The following POU6F2 variants were observed in gnomAD, a reference collection of about 807,000 sequenced individuals.
The protein encoded by POU6F2 is POU class 6 homeobox 2.
POU6F2 carries 31 observed loss-of-function variants against 71.3 expected under a neutral mutation model. That is an observed-to-expected ratio of 0.43 (90% CI 0.33 to 0.59). The LOEUF is 0.59. POU6F2 is among the 20% of genes least tolerant of loss of function. The pLI is 0.04. For synonymous variants in POU6F2, 347 were observed against 355.7 expected (o/e 0.98, Z 0.27); for missense variants, 783 against 856.8 (o/e 0.91, Z 1.07).
At position 39,183,164 on chromosome 7, in the gene POU6F2, G is replaced by C. The variant is rs547986719; in HGVS notation, c.278-21071G>C. Among the ~76,000 whole-genome samples, 60 of 152,282 alleles carry C rather than the reference G, an allele frequency of 3.9e-4. No homozygotes were observed. In the South Asian group the frequency reaches 5.6e-3, roughly 14 times the overall value. On this transcript the variant is annotated intron_variant, in intron 2 of 9. Transcript: ENST00000518318. ...GAACCCTATTGTGAACTGTGCATGC[G>C]AGGGATCTAGGCTGTGCACTCCTTA...
At chr7:39,065,586 A>AG (rs1304630087) in intron 1 of POU6F2, among the ~76,000 whole-genome samples, 1 of 151,490 alleles carries the variant, frequency 6.6e-6, no homozygotes, top group African/African-American at 2.4e-5. Context: ...AACATAAAAT[A>AG]GGGGAAAAAA....
chr7:39,338,000 A>C (rs1785816131), intron 4 of POU6F2, among the ~76,000 whole-genome samples: 1 of 152,242 alleles, frequency 6.6e-6, no homozygotes, highest in African/African-American at 2.4e-5. Flanking sequence ...CCTGTTTCTA[A>C]ATGCTGATTT....
At position 39,371,273 on chromosome 7, in the gene POU6F2, G is replaced by A. The variant is rs560661720; in HGVS notation, c.972+31258G>A. On this transcript the variant is annotated intron_variant, in intron 5 of 9. Transcript: ENST00000518318. Reference sequence around the variant, plus strand: ...TGGCTCACTGCAACCTCCGCCTCCCGGGTTCAAGCGATTCTCCTGCCTCAG... The same window carrying A: ...TGGCTCACTGCAACCTCCGCCTCCCAGGTTCAAGCGATTCTCCTGCCTCAG... Among the ~76,000 whole-genome samples the A allele has an allele frequency of 3.7e-3, 563 of 151,618 alleles. 3 individuals carry two copies. Among genetic ancestry groups the A allele is most frequent in the African/African-American group, 0.013 (537 of 41,314 alleles).
At chr7:39,275,497 G>A (rs1298182103) in intron 4 of POU6F2, among the ~76,000 whole-genome samples, 38 of 152,260 alleles carry the variant, frequency 2.5e-4, no homozygotes, top group Non-Finnish European at 4.9e-4. Flanking sequence ...TATAGATTCA[G>A]TGTCATCCCC....
intron 3 of POU6F2, among the ~76,000 whole-genome samples, chr7:39,206,594 A>C (rs1794016206): frequency 6.6e-6 from 1 of 152,182 alleles, no homozygotes; most frequent in Non-Finnish European, 1.5e-5. Context: ...ATAGTTATCC[A>C]GCTTACTTTC....
chr7:39,346,913 G>A (rs1228351418), intron 5 of POU6F2, among the ~76,000 whole-genome samples: 2 of 152,198 alleles, frequency 1.3e-5, no homozygotes, highest in African/African-American at 4.8e-5. Context: ...ATCATGATTT[G>A]TAAATATTTA....
At chr7:39,064,344 A>C (rs966452491) in intron 1 of POU6F2, among the ~76,000 whole-genome samples, 1 of 151,956 alleles carries the variant, frequency 6.6e-6, no homozygotes, top group East Asian at 1.9e-4. Flanking sequence ...TTATATTCTC[A>C]ACTATGAGAG....
rs1158634857 is a variant in POU6F2, at chr7:39,085,850, C to T, written c.106-10C>T. 6.2e-6 allele frequency: 10 copies of T among 1,612,760 alleles called. No individual in the cohort carries two copies. The South Asian group carries it at 6.6e-5, about 11-fold the overall frequency. ...TTTTTCCTCCCCTTCACTCTTTTCGCCCATCCTAGGATCCAATGATAGCTG... is the reference window on the plus strand; with the variant it reads ...TTTTTCCTCCCCTTCACTCTTTTCGTCCATCCTAGGATCCAATGATAGCTG... On this transcript the variant is annotated splice_polypyrimidine_tract_variant and intron_variant, in intron 1 of 9. Transcript: ENST00000518318.
rs1410574696 is a variant in POU6F2, at chr7:39,129,798, T to G, written c.277+43767T>G. Among the ~76,000 whole-genome samples the G allele has an allele frequency of 2.0e-5, 3 of 152,148 alleles. No homozygotes were observed. In the East Asian group the frequency reaches 5.8e-4, roughly 29 times the overall value. ...ATTTTTTTCGGCCGGGCGCTGTGGC[T>G]CACGCCTGGGATCCCAGCACTTTGG... On this transcript the variant is annotated intron_variant, in intron 2 of 9. Transcript: ENST00000518318.
intron 4 of POU6F2, among the ~76,000 whole-genome samples, chr7:39,223,393 C>T (rs57133426): frequency 0.023 from 3,575 of 152,208 alleles, 137 homozygotes; most frequent in African/African-American, 0.081. Flanking sequence ...TGGATACTCA[C>T]GTGAAAGAAC....
chr7:39,011,985 A>T (rs374071918), intron 1 of POU6F2, among the ~76,000 whole-genome samples: 4 of 151,562 alleles, frequency 2.6e-5, no homozygotes, highest in East Asian at 3.9e-4. Flanking sequence ...CTTTGGTGAA[A>T]CTGACAATTA....
intron 2 of POU6F2, among the ~76,000 whole-genome samples, chr7:39,166,347 A>G (rs1389273666): frequency 6.6e-6 from 1 of 152,250 alleles, no homozygotes; most frequent in East Asian, 1.9e-4. Flanking sequence ...CATTTTACAT[A>G]TTAACGGGAG....
At chr7:39,130,066 C>CAAAAA (rs572365688) in intron 2 of POU6F2, among the ~76,000 whole-genome samples, 2 of 44,540 alleles carry the variant, frequency 4.5e-5, no homozygotes, top group African/African-American at 1.4e-4. Context: ...GACTCCATCT[C>CAAAAA]AAAAAAAAAA....
At chr7:39,275,129 C>T (rs1784412431) in intron 4 of POU6F2, among the ~76,000 whole-genome samples, 1 of 152,106 alleles carries the variant, frequency 6.6e-6, no homozygotes, top group Non-Finnish European at 1.5e-5. Context: ...TTGCAGATGA[C>T]ATGATCGTAT....
At chr7:39,423,140 T>C (rs181430644) in intron 6 of POU6F2, among the ~76,000 whole-genome samples, 1 of 152,300 alleles carries the variant, frequency 6.6e-6, no homozygotes, top group East Asian at 1.9e-4. Context: ...GGAGAAACTT[T>C]AGGAGATCAC....
intron 2 of POU6F2, among the ~76,000 whole-genome samples, chr7:39,103,567 T>C (rs1363675593): frequency 2.0e-5 from 3 of 152,252 alleles, no homozygotes; most frequent in African/African-American, 7.2e-5. Context: ...CACTGGTTTC[T>C]ACCACCTTGA....
chr7:39,292,251 C>T (rs1337894351), intron 4 of POU6F2, among the ~76,000 whole-genome samples: 1 of 152,210 alleles, frequency 6.6e-6, no homozygotes, highest in Non-Finnish European at 1.5e-5. Context: ...TTCCTGTCTG[C>T]CTCTCTGCTC....
chr7:39,334,858 G>A (rs1290984883), intron 4 of POU6F2, among the ~76,000 whole-genome samples: 2 of 152,188 alleles, frequency 1.3e-5, no homozygotes, highest in African/African-American at 4.8e-5. Flanking sequence ...GGGAGGCAAA[G>A]GCTACATCAG....
At chr7:39,183,224 A>G (rs569761085) in intron 2 of POU6F2, among the ~76,000 whole-genome samples, 1 of 152,254 alleles carries the variant, frequency 6.6e-6, no homozygotes, top group South Asian at 2.1e-4. Context: ...GAGGTGGGAG[A>G]GTGTCATCCC....
Sources: allele counts gnomAD v4.1 joint callset (sites outside exome capture counted in the v4.1 genomes callset), GRCh38; gene constraint gnomAD v4.1.1; transcripts MANE v1.5; gene names NCBI Gene and HGNC (gene_info 2026-07-23, HGNC 2026-07-21).